SIM1: variants seen among roughly 807,000 people sequenced by gnomAD.
The protein encoded by SIM1 is single-minded homolog 1.
In SIM1, 18 loss-of-function variants were observed where a neutral mutation model predicts 78.2. The ratio of observed to expected loss-of-function variants is 0.23; its 90% CI spans 0.16 to 0.34. The LOEUF (loss-of-function observed/expected upper bound fraction) is 0.34, where lower values mean the gene tolerates loss of function less well. SIM1 is among the 10% of genes least tolerant of loss of function. The pLI is 1.00. For missense variants in SIM1, 939 were observed against 975.1 expected (o/e 0.96, Z 0.49); for synonymous variants, 417 against 385.2 (o/e 1.08, Z -0.97).
chr6:100,450,696 T>TCTCTCTCTCTCTCTCA lies in SIM1; in HGVS notation c.259-341_259-340insTGAGAGAGAGAGAGAG, dbSNP rs1421452803. On this transcript the variant is annotated intron_variant, in intron 3 of 11. Coordinates refer to ENST00000369208, the MANE Select transcript of SIM1 (RefSeq NM_005068.3). Reference sequence around the variant, plus strand: ...CTCTCTCTCTCTCTCTCTCTCTCTCTCACACACACACACACACACACACAC... The same window carrying TCTCTCTCTCTCTCTCA: ...CTCTCTCTCTCTCTCTCTCTCTCTCTCTCTCTCTCTCTCTCACACACACACACACACACACACACAC... Among the ~76,000 whole-genome samples the TCTCTCTCTCTCTCTCA allele has an allele frequency of 1.9e-3, 175 of 91,910 alleles. 2 individuals carry two copies. The highest frequency in any genetic ancestry group is 0.011 in the South Asian group (24 of 2,120). 60.3% of individuals were successfully genotyped at this position (91,910 alleles called of 152,430 possible).
At chr6:100,437,159 C>A (rs1264145666) in intron 9 of SIM1, 1 of 152,180 alleles carries the variant, frequency 6.6e-6, no homozygotes, top group Non-Finnish European at 1.5e-5. Flanking sequence ...AGCCCAACTT[C>A]TTAACTAATA....
At chr6:100,408,170 A>G (rs914808384) in intron 10 of SIM1, among the ~76,000 whole-genome samples, 7 of 152,064 alleles carry the variant, frequency 4.6e-5, no homozygotes, top group African/African-American at 1.7e-4. Flanking sequence ...GTATGTAGAT[A>G]TCTGGTTTTC....
At chr6:100,432,843 G>A (rs1369624256) in intron 9 of SIM1, among the ~76,000 whole-genome samples, 1 of 152,150 alleles carries the variant, frequency 6.6e-6, no homozygotes, top group Non-Finnish European at 1.5e-5. Flanking sequence ...TCTGACGAAT[G>A]ACGGGCATCT....
intron 10 of SIM1, among the ~76,000 whole-genome samples, chr6:100,403,892 A>C (rs1193935573): frequency 6.6e-6 from 1 of 152,222 alleles, no homozygotes; most frequent in Non-Finnish European, 1.5e-5. Flanking sequence ...AATAAGGTTC[A>C]AAAAATGTTT....
At position 100,387,202 on chromosome 6, in the gene SIM1, C is replaced by T. The variant is rs1451888580; in HGVS notation, c.*3159G>A. The T allele has an allele frequency of 6.6e-6, 1 of 151,860 alleles. No homozygotes were observed. The highest frequency in any genetic ancestry group is 1.9e-4 in the East Asian group (1 of 5,198). 9.4% of individuals were successfully genotyped at this position (151,860 alleles called of 1,614,324 possible). A position where few individuals can be genotyped will look rare whatever the true frequency, so the allele number is the denominator to read the frequency against. On this transcript the variant is annotated 3_prime_UTR_variant, in exon 12 of 12. Transcript: ENST00000369208. The stretch of plus-strand genomic sequence containing the variant: ...TGGATAGAGCACATTTTTATGTATC[C>T]CCAAGGTGATATGAAAATCATACTT...
intron 3 of SIM1, among the ~76,000 whole-genome samples, chr6:100,451,930 T>A (rs1040536714): frequency 6.6e-6 from 1 of 151,798 alleles, no homozygotes; most frequent in Non-Finnish European, 1.5e-5. Flanking sequence ...AGACGGAGAG[T>A]CTAGACTAGA....
chr6:100,436,315 A>G (rs529342990), intron 9 of SIM1, among the ~76,000 whole-genome samples: 1 of 152,218 alleles, frequency 6.6e-6, no homozygotes, highest in Non-Finnish European at 1.5e-5. Flanking sequence ...TGAACTGTGC[A>G]CAGTGCTTGG....
At chr6:100,460,520 A>G (rs1582329909) in intron 2 of SIM1, among the ~76,000 whole-genome samples, 1 of 152,328 alleles carries the variant, frequency 6.6e-6, no homozygotes, top group South Asian at 2.1e-4. Flanking sequence ...GTGATAAGAC[A>G]CTTATACCTA....
At chr6:100,395,657 C>CT (rs1035178452) in intron 10 of SIM1, among the ~76,000 whole-genome samples, 2 of 152,158 alleles carry the variant, frequency 1.3e-5, no homozygotes, top group African/African-American at 4.8e-5. Context: ...CTAGGCTCCA[C>CT]TGCTGTTCCC....
chr6:100,445,715 C>G (rs541165558), intron 9 of SIM1, among the ~76,000 whole-genome samples: 4 of 152,234 alleles, frequency 2.6e-5, no homozygotes, highest in African/African-American at 4.8e-5. Flanking sequence ...ACCACAGGCA[C>G]CCACCAGAGA....
intron 3 of SIM1, among the ~76,000 whole-genome samples, chr6:100,450,696 T>TCTCTCTCA (rs1421452803): frequency 3.6e-3 from 328 of 91,910 alleles, no homozygotes; most frequent in Middle Eastern, 0.012. Flanking sequence ...TCTCTCTCTC[T>TCTCTCTCA]CACACACACA....
At chr6:100,409,337 C>A (rs1256827471) in intron 10 of SIM1, among the ~76,000 whole-genome samples, 13 of 152,028 alleles carry the variant, frequency 8.6e-5, no homozygotes, top group Admixed American at 8.5e-4. Flanking sequence ...TATAATTGTT[C>A]ATAGGGGTCT....
chr6:100,436,462 C>T (rs1483028286), intron 9 of SIM1, among the ~76,000 whole-genome samples: 1 of 152,218 alleles, frequency 6.6e-6, no homozygotes, highest in Non-Finnish European at 1.5e-5. Context: ...CTTCCTAAGA[C>T]TCATGCTTTC....
chr6:100,461,841 C>CTTTTTTT (rs10522700), intron 2 of SIM1, among the ~76,000 whole-genome samples: 53 of 113,222 alleles, frequency 4.7e-4, no homozygotes, highest in East Asian at 7.3e-4. Context: ...TTCTTTCTTT[C>CTTTTTTT]TTTTTTTTTT....
chr6:100,459,735 G>A (rs1049632607), intron 2 of SIM1, among the ~76,000 whole-genome samples: 6 of 152,108 alleles, frequency 3.9e-5, no homozygotes, highest in African/African-American at 7.2e-5. Flanking sequence ...CAATGAAATG[G>A]CAATGTGATG....
At chr6:100,450,583 G>T (rs561786008) in intron 3 of SIM1, among the ~76,000 whole-genome samples, 2 of 152,128 alleles carry the variant, frequency 1.3e-5, no homozygotes, top group South Asian at 2.1e-4. Flanking sequence ...CAGAGTAATT[G>T]GTGGACAAGG....
At chr6:100,398,135 T>C (rs993597069) in intron 10 of SIM1, among the ~76,000 whole-genome samples, 6 of 152,166 alleles carry the variant, frequency 3.9e-5, no homozygotes, top group African/African-American at 1.4e-4. Flanking sequence ...GTGCAATTAC[T>C]ATATGTAATC....
chr6:100,447,248 G>T lies in SIM1; in HGVS notation c.998+20C>A, dbSNP rs761733968. 3.7e-6 allele frequency: 6 copies of T among 1,612,200 alleles called. No homozygotes were observed. In the South Asian group the frequency reaches 5.5e-5, roughly 15 times the overall value. On this transcript the variant is annotated intron_variant, in intron 9 of 11. Coordinates refer to ENST00000369208, the MANE Select transcript of SIM1 (RefSeq NM_005068.3). ...CAGGGTCGCCTGGGGTGGGTGAAGG[G>T]GTCTCAGTCTTGCACTCACGTGAGG... is the stretch of plus-strand genomic sequence containing the variant.
rs780730791 is a variant in SIM1, at chr6:100,420,780, A to G, written c.1167+10T>C. 2 of 1,613,900 alleles carry G rather than the reference A, an allele frequency of 1.2e-6. No individual in the cohort carries two copies. Among genetic ancestry groups the G allele is most frequent in the African/African-American group, 1.3e-5 (1 of 74,930 alleles). ...AAAAAAAGAAAGTTGCAAAACAGCAATGCACTTACCTGAGGGTATGGGGAA... is the reference window on the plus strand; with the variant it reads ...AAAAAAAGAAAGTTGCAAAACAGCAGTGCACTTACCTGAGGGTATGGGGAA... On this transcript the variant is annotated intron_variant, in intron 10 of 11. Transcript: ENST00000369208.
Sources: gnomAD v4.1 joint callset for allele counts (sites outside exome capture counted in the v4.1 genomes callset) on GRCh38, gnomAD v4.1.1 for gene constraint, MANE v1.5 for transcripts, NCBI Gene and HGNC (gene_info 2026-07-23, HGNC 2026-07-21) for gene names.